The following RBFOX1 variants were observed in gnomAD, a reference collection of about 807,000 sequenced individuals.
RBFOX1 encodes RNA binding protein fox-1 homolog 1.
A neutral mutation model predicts 57.7 loss-of-function variants in RBFOX1; 8 were observed. The observed-to-expected ratio is 0.14, with a 90% CI of 0.08 to 0.25. The LOEUF is 0.25. Ranked by LOEUF, RBFOX1 falls within the 10% of genes least tolerant of loss-of-function variation. RBFOX1 has a pLI of 1.00. For synonymous variants in RBFOX1, 326 were observed against 222.4 expected, an observed-to-expected ratio of 1.47 and a Z score of -4.15; for missense variants, 611 against 548.5, an observed-to-expected ratio of 1.11 and a Z score of -1.14.
chr16:6,731,714 T>C (rs563716106), intron 3 of RBFOX1, among the ~76,000 whole-genome samples: 5 of 152,198 alleles, frequency 3.3e-5, no homozygotes, highest in African/African-American at 1.2e-4. Flanking sequence ...CTAGGCTCAT[T>C]GTATATCTGG....
intron 1 of RBFOX1, among the ~76,000 whole-genome samples, chr16:6,250,670 G>A (rs1027431243): frequency 6.6e-6 from 1 of 152,232 alleles, no homozygotes; most frequent in South Asian, 2.1e-4. Context: ...GCACCAGTCG[G>A]GGAAGCCTGC....
chr16:6,091,830 C>A lies in RBFOX1; in HGVS notation c.-127+71838C>A, dbSNP rs199829551. 3.7e-4 allele frequency among the ~76,000 whole-genome samples: 56 copies of A among 152,106 alleles called. No individual in the cohort carries two copies. In the East Asian group the frequency reaches 0.01, roughly 28 times the overall value. ...TGTATGACACAGTGAGACTCTGTCTCAAAAAAACAAAACAAAACAAAACAA... is the reference window on the plus strand; with the variant it reads ...TGTATGACACAGTGAGACTCTGTCTAAAAAAAACAAAACAAAACAAAACAA... On this transcript the variant is annotated intron_variant, in intron 1 of 15. Coordinates refer to ENST00000550418, the MANE Select transcript of RBFOX1 (RefSeq NM_018723.4).
intron 2 of RBFOX1, among the ~76,000 whole-genome samples, chr16:6,576,246 G>C (rs941593800): frequency 1.3e-5 from 2 of 152,194 alleles, no homozygotes; most frequent in African/African-American, 2.4e-5. Flanking sequence ...GCACAAGGCA[G>C]GGACCACTCT....
At chr16:6,915,080 G>T (rs977360572) in intron 3 of RBFOX1, among the ~76,000 whole-genome samples, 1 of 152,210 alleles carries the variant, frequency 6.6e-6, no homozygotes, top group Admixed American at 6.5e-5. Context: ...TGACTAATGT[G>T]TGAACTGCAC....
chr16:6,965,511 A>G (rs549319566), intron 3 of RBFOX1, among the ~76,000 whole-genome samples: 5 of 151,990 alleles, frequency 3.3e-5, no homozygotes, highest in African/African-American at 9.6e-5. Flanking sequence ...TAATTTTTGT[A>G]TTTTTAGTAG....
At chr16:7,005,051 G>T (rs1048885809) in intron 3 of RBFOX1, among the ~76,000 whole-genome samples, 5 of 152,190 alleles carry the variant, frequency 3.3e-5, no homozygotes, top group Admixed American at 6.5e-5. Context: ...GGCTGAGGCA[G>T]GAGCATTCCT....
Position 5,820,063 on chromosome 16 carries a change from G to T in RBFOX1, c.319-47240G>T, listed in dbSNP as rs1463564148. Reference sequence around the variant, plus strand: ...GGTGACTTTACTGCACACTCACTGTGTCTGAGACATTGCGCTTCTGCACTA... The same window carrying T: ...GGTGACTTTACTGCACACTCACTGTTTCTGAGACATTGCGCTTCTGCACTA... On this transcript the variant is annotated intron_variant, in intron 3 of 19. Transcript: ENST00000641259. Among the ~76,000 whole-genome samples the T allele has an allele frequency of 2.0e-5, 3 of 152,324 alleles. No individual in the cohort carries two copies. The South Asian group carries it at 6.2e-4, about 32-fold the overall frequency.
intron 4 of RBFOX1, among the ~76,000 whole-genome samples, chr16:7,509,426 G>GTCTGTGTC (rs376355769): frequency 1.5e-3 from 213 of 146,472 alleles, no homozygotes; most frequent in African/African-American, 5.0e-3. Context: ...GTGTGTGTGT[G>GTCTGTGTC]TGTGTCTGTG....
chr16:7,191,242 A>G (rs1282969190), intron 4 of RBFOX1, among the ~76,000 whole-genome samples: 2 of 152,060 alleles, frequency 1.3e-5, no homozygotes, highest in African/African-American at 4.8e-5. Flanking sequence ...TCAGTCTTTA[A>G]TATTTGATGG....
intron 3 of RBFOX1, among the ~76,000 whole-genome samples, chr16:6,998,344 T>G (rs1044460151): frequency 2.0e-5 from 3 of 152,142 alleles, no homozygotes. Flanking sequence ...TTCAAGTGTT[T>G]ACACATGAAT....
intron 1 of RBFOX1, among the ~76,000 whole-genome samples, chr16:6,158,811 G>A (rs1041120731): frequency 1.3e-5 from 2 of 152,088 alleles, no homozygotes; most frequent in African/African-American, 2.4e-5. Context: ...GGCACGTCTG[G>A]GAATTTGAAT....
chr16:6,170,707 G>T (rs2096953898), intron 1 of RBFOX1, among the ~76,000 whole-genome samples: 1 of 152,122 alleles, frequency 6.6e-6, no homozygotes, highest in East Asian at 1.9e-4. Flanking sequence ...ACTAAGCTTA[G>T]TACCCAATAG....
Position 7,238,145 on chromosome 16 carries a change from A to G in RBFOX1, c.27+186047A>G, listed in dbSNP as rs572268145. Among the ~76,000 whole-genome samples, 3 of 152,330 alleles carry G rather than the reference A, an allele frequency of 2.0e-5. No homozygotes were observed. The South Asian group carries it at 6.2e-4, about 32-fold the overall frequency. ...AGGTGCCCATAGTTGTCAAATTCACAAAGACAAAAAGTGGCATGGTCGTTA... is the reference window on the plus strand; with the variant it reads ...AGGTGCCCATAGTTGTCAAATTCACGAAGACAAAAAGTGGCATGGTCGTTA... On this transcript the variant is annotated intron_variant, in intron 4 of 15. Coordinates refer to ENST00000550418, the MANE Select transcript of RBFOX1 (RefSeq NM_018723.4).
chr16:7,109,752 G>T (rs570662965), intron 4 of RBFOX1, among the ~76,000 whole-genome samples: 1 of 152,044 alleles, frequency 6.6e-6, no homozygotes, highest in Non-Finnish European at 1.5e-5. Context: ...CCAAAAAATC[G>T]AGATGACTCC....
chr16:6,971,026 G>A (rs920711819), intron 3 of RBFOX1, among the ~76,000 whole-genome samples: 2 of 152,170 alleles, frequency 1.3e-5, no homozygotes, highest in Admixed American at 6.6e-5. Flanking sequence ...GATATTTCTT[G>A]AGAACCATAC....
chr16:5,693,934 A>G (rs562318393), intron 3 of RBFOX1, among the ~76,000 whole-genome samples: 3 of 152,076 alleles, frequency 2.0e-5, no homozygotes, highest in South Asian at 2.1e-4. Flanking sequence ...ACAGGTGGCA[A>G]TGGCCTTGTG....
intron 2 of RBFOX1, among the ~76,000 whole-genome samples, chr16:5,501,555 T>C (rs1338687154): frequency 6.6e-6 from 1 of 152,108 alleles, no homozygotes; most frequent in East Asian, 1.9e-4. Flanking sequence ...TTTGGCTAAA[T>C]TACTTTAACC....
intron 1 of RBFOX1, among the ~76,000 whole-genome samples, chr16:6,039,226 C>G (rs1001015686): frequency 6.6e-5 from 10 of 151,350 alleles, no homozygotes; most frequent in African/African-American, 2.4e-4. Context: ...GAGGTCTGAG[C>G]AGGACAAGAG....
At chr16:6,349,668 G>A (rs952530331) in intron 2 of RBFOX1, among the ~76,000 whole-genome samples, 2 of 152,160 alleles carry the variant, frequency 1.3e-5, no homozygotes, top group African/African-American at 4.8e-5. Flanking sequence ...TCTCTAGAGA[G>A]CAAACCTGGC....
Sources: allele counts gnomAD v4.1 joint callset (sites outside exome capture counted in the v4.1 genomes callset), GRCh38; gene constraint gnomAD v4.1.1; transcripts MANE v1.5; gene names NCBI Gene and HGNC (gene_info 2026-07-23, HGNC 2026-07-21).